Variants in PCDHGC4 observed in about 807,000 individuals in gnomAD.
PCDHGC4 encodes protocadherin gamma-C4.
PCDHGC4 carries 15 observed loss-of-function variants against 59.7 expected under a neutral mutation model. That is an observed-to-expected ratio of 0.25 (90% confidence interval 0.17 to 0.39). The LOEUF (loss-of-function observed/expected upper bound fraction) is 0.39, where lower values mean the gene tolerates loss of function less well. Ranked by LOEUF, PCDHGC4 falls within the 10% of genes least tolerant of loss-of-function variation. PCDHGC4 has a pLI of 1.00. For missense variants in PCDHGC4, 1,016 were observed against 1,189.5 expected, an observed-to-expected ratio of 0.85 and a Z score of 2.15; for synonymous variants, 434 against 481.4, an observed-to-expected ratio of 0.90 and a Z score of 1.29.
chr5:141,494,785 T>G, intron 1 of PCDHGC4, 22 bp from the exon 2 acceptor site: 1 of 1,614,016 alleles, frequency 6.2e-7, no homozygotes, highest in Non-Finnish European at 8.5e-7. Flanking sequence ...ACTCAGCCCC[T>G]TTCCCTCTGT....
rs1368226100 is a variant in PCDHGC4, at chr5:141,511,268, C to T, written c.*95C>T. The stretch of plus-strand genomic sequence containing the variant: ...CAGGCCTCAGAGTTTCAGGGCTAAC[C>T]CCCAGAATACTGGTAGGGGCCAAGG... On this transcript the variant is annotated 3_prime_UTR_variant, in exon 4 of 4. Coordinates refer to ENST00000306593, the MANE Select transcript of PCDHGC4 (RefSeq NM_018928.3). 1.9e-6 allele frequency: 3 copies of T among 1,546,408 alleles called. No individual in the cohort carries two copies. The highest frequency in any genetic ancestry group is 2.4e-5 in the East Asian group (1 of 41,246).
chr5:141,510,221 C>T lies in PCDHGC4; in HGVS notation c.2591-726C>T, dbSNP rs891359580. On this transcript the variant is annotated intron_variant, in intron 3 of 3. Transcript: ENST00000306593. The stretch of plus-strand genomic sequence containing the variant: ...CCAGGAGGCAGAGGTTGCAGTGAGC[C>T]GGGATCGCGCCACTGCACTCCAGGC... Among the ~76,000 whole-genome samples, 12 of 150,616 alleles carry T rather than the reference C, an allele frequency of 8.0e-5. No homozygotes were observed. In the East Asian group the frequency reaches 1.2e-3, roughly 15 times the overall value.
chr5:141,494,677 TGCCCCCTCTTA>T, intron 1 of PCDHGC4, 119 bp from the exon 2 acceptor site: 5 of 1,552,906 alleles, frequency 3.2e-6, no homozygotes, highest in Non-Finnish European at 4.4e-6. Flanking sequence ...AGTCCACCCC[TGCCCCCTCTTA>T]GTCCGTTTTC....
chr5:141,506,115 T>C (rs1211973354), intron 3 of PCDHGC4, among the ~76,000 whole-genome samples: 1 of 152,062 alleles, frequency 6.6e-6, no homozygotes, highest in Admixed American at 6.5e-5. Context: ...GAAGAGTCAC[T>C]AGGGCCCAGA....
rs200524415 is a variant in PCDHGC4, at chr5:141,487,436, G to C, written c.2263G>C (p.Gly755Arg). 1 of 1,614,176 alleles carries C rather than the reference G, an allele frequency of 6.2e-7. No individual in the cohort carries two copies. Among genetic ancestry groups the C allele is most frequent in the East Asian group, 2.2e-5 (1 of 44,870 alleles). ...CAATGGGATCCTCCGAATCCAGCTAGGGTCAGATGACCCTATCAAGTTTGT... is the reference window on the plus strand; with the variant it reads ...CAATGGGATCCTCCGAATCCAGCTACGGTCAGATGACCCTATCAAGTTTGT... ...PSNGILRIQL[G>R]SDDPIKFVDV... The change falls in exon 1 of 4, where the codon GGG (glycine) becomes CGG (arginine). Residue 755 changes from glycine (G) to arginine (R), a missense_variant. By Grantham distance (125) the Gly-to-Arg change is moderately radical. Coordinates refer to ENST00000306593, the MANE Select transcript of PCDHGC4 (RefSeq NM_018928.3). This position sits in a 1 kb window ranked among gnomAD's most constrained non-coding sequence, Gnocchi z 5.0.
At chr5:141,497,209 TG>T (rs11343387) in intron 2 of PCDHGC4, among the ~76,000 whole-genome samples, 90,704 of 151,262 alleles carry the variant, frequency 0.6, 29,397 homozygotes, top group African/African-American at 0.86. Context: ...GTGAGTGTAA[TG>T]GGGGGGGGAA....
At chr5:141,500,914 G>T (rs1237339394) in intron 2 of PCDHGC4, among the ~76,000 whole-genome samples, 2 of 151,130 alleles carry the variant, frequency 1.3e-5, no homozygotes, top group Non-Finnish European at 2.9e-5. Flanking sequence ...CTGTCTCCAG[G>T]CTGGGGTGCA....
intron 2 of PCDHGC4, among the ~76,000 whole-genome samples, chr5:141,504,802 C>G (rs370355030): frequency 6.6e-6 from 1 of 152,030 alleles, no homozygotes; most frequent in East Asian, 1.9e-4. Context: ...ACATCTCCCC[C>G]TAGGTACCTC....
intron 3 of PCDHGC4, chr5:141,507,166 GTCC>G (rs1475125845): frequency 6.6e-5 from 10 of 152,288 alleles, no homozygotes; most frequent in Non-Finnish European, 1.2e-4. Context: ...ATGAGAGGCT[GTCC>G]TCTTCCTCGA....
At chr5:141,506,306 G>A (rs539365378) in intron 3 of PCDHGC4, among the ~76,000 whole-genome samples, 4 of 152,040 alleles carry the variant, frequency 2.6e-5, no homozygotes, top group Non-Finnish European at 5.9e-5. Flanking sequence ...AAAATTAGCT[G>A]GGCATGGTGG....
At chr5:141,499,331 TCA>T (rs2099791249) in intron 2 of PCDHGC4, among the ~76,000 whole-genome samples, 1 of 152,220 alleles carries the variant, frequency 6.6e-6, no homozygotes, top group African/African-American at 2.4e-5. Context: ...CTGCTCTCTC[TCA>T]GTTTGGGCAG....
chr5:141,485,930 G>A lies in PCDHGC4; in HGVS notation c.757G>A (p.Glu253Lys). ...QQSSYRISVL[E>K]SAPAGMVLIQ... ...ATCCAGCTACAGGATTAGTGTGTTG[G>A]AGAGCGCACCAGCGGGCATGGTGCT... The change falls in exon 1 of 4, where the codon GAG becomes AAG. Residue 253 changes from glutamate (E) to lysine (K), a missense_variant. By Grantham distance (56) the Glu-to-Lys change is moderately conservative (BLOSUM62 1). Transcript: ENST00000306593. This position sits in a 1 kb window ranked among gnomAD's most constrained non-coding sequence, Gnocchi z 5.7. The A allele has an allele frequency of 6.2e-7, 1 of 1,614,178 alleles. No homozygotes were observed. Among genetic ancestry groups the A allele is most frequent in the Non-Finnish European group, 8.5e-7 (1 of 1,180,042 alleles).
chr5:141,489,287 T>C lies in PCDHGC4; in HGVS notation c.2442+1672T>C. 1 of 1,573,410 alleles carries C rather than the reference T, an allele frequency of 6.4e-7. No individual in the cohort carries two copies. Among genetic ancestry groups the C allele is most frequent in the Non-Finnish European group, 8.6e-7 (1 of 1,159,858 alleles). ...CAGCTCGCTGGGAAATGGCAAGTGC[T>C]GTGCATGTTGTCCTTGTGCTGCTGG... On this transcript the variant is annotated intron_variant, in intron 1 of 3. Transcript: ENST00000306593. The surrounding 1 kb of genome is among the most constrained non-coding windows in gnomAD (Gnocchi z 4.5).
chr5:141,502,084 G>A (rs1438350526), intron 2 of PCDHGC4, among the ~76,000 whole-genome samples: 1 of 152,154 alleles, frequency 6.6e-6, no homozygotes, highest in African/African-American at 2.4e-5. Context: ...CTGGGGCTGA[G>A]AACACCTGGC....
Position 141,489,897 on chromosome 5 carries a change from C to G in PCDHGC4, c.2442+2282C>G. ...TGCTTACTGCTGTGGATGGGGGGAC[C>G]CCAGCCCGCTCAGGGACCACCCTTA... is the stretch of plus-strand genomic sequence containing the variant. On this transcript the variant is annotated intron_variant, in intron 1 of 3. Transcript: ENST00000306593. This position sits in a 1 kb window ranked among gnomAD's most constrained non-coding sequence, Gnocchi z 4.5. 1 of 1,614,162 alleles carries G rather than the reference C, an allele frequency of 6.2e-7. No individual in the cohort carries two copies. Among genetic ancestry groups the G allele is most frequent in the Non-Finnish European group, 8.5e-7 (1 of 1,180,016 alleles).
chr5:141,486,844 C>T lies in PCDHGC4; in HGVS notation c.1671C>T (p.Asp557=), dbSNP rs150549306. The T allele has an allele frequency of 1.1e-5, 17 of 1,614,220 alleles. No homozygotes were observed. The highest frequency in any genetic ancestry group is 1.4e-5 in the Non-Finnish European group (16 of 1,180,026). ...TAACAGTTCGTCTATTTGTGCTGGACCTCAATGACAATGCTCCAGCTGTGC... is the reference window on the plus strand; with the variant it reads ...TAACAGTTCGTCTATTTGTGCTGGATCTCAATGACAATGCTCCAGCTGTGC... ...STVTVRLFVL[D]LNDNAPAVLR... Residue 557 remains aspartate (D), a synonymous_variant, in exon 1 of 4, where the codon GAC becomes GAT. Transcript: ENST00000306593. The surrounding 1 kb of genome is among the most constrained non-coding windows in gnomAD (Gnocchi z 5.0).
In PCDHGC4 at chr5:141,512,223, C is replaced by G. The variant is rs1321595614; in HGVS notation, c.*1050C>G. 6.5e-6 allele frequency: 1 copy of G among 152,728 alleles called. No individual in the cohort carries two copies. The highest frequency in any genetic ancestry group is 1.5e-5 in the Non-Finnish European group (1 of 68,110). 9.5% of individuals were successfully genotyped at this position (152,728 alleles called of 1,614,324 possible). ...CTCGAAGCAGGTTTAGGACCAGGTC[C>G]CCTTGAGAGGTCAGAGGGGCCTCTG... On this transcript the variant is annotated 3_prime_UTR_variant, in exon 4 of 4. Transcript: ENST00000306593.
Position 141,485,422 on chromosome 5 carries a change from C to G in PCDHGC4, c.249C>G (p.Ala83=), listed in dbSNP as rs775279056. 6.2e-7 allele frequency: 1 copy of G among 1,614,130 alleles called. No homozygotes were observed. Among genetic ancestry groups the G allele is most frequent in the East Asian group, 2.2e-5 (1 of 44,872 alleles). The part of the protein sequence containing the change: ...RHFRVDLDSG[A]LLIKNPIDRE... ...TCCGTGTGGATTTGGACAGCGGAGC[C>G]CTGCTCATCAAGAACCCAATCGACC... Residue 83 remains alanine (A), a synonymous_variant, in exon 1 of 4, where the codon GCC becomes GCG. Transcript: ENST00000306593. The surrounding 1 kb of genome is among the most constrained non-coding windows in gnomAD (Gnocchi z 5.7).
chr5:141,490,128 C>T lies in PCDHGC4; in HGVS notation c.2442+2513C>T, dbSNP rs970815408. 1.2e-6 allele frequency: 2 copies of T among 1,614,254 alleles called. No homozygotes were observed. Among genetic ancestry groups the T allele is most frequent in the Non-Finnish European group, 8.5e-7 (1 of 1,180,042 alleles). ...CAGTGCGGAACCTCTTTGGCCTAGA[C>T]CCTAGCAGTGGGGCAATCCATGTGT... On this transcript the variant is annotated intron_variant, in intron 1 of 3. Transcript: ENST00000306593. The surrounding 1 kb of genome is among the most constrained non-coding windows in gnomAD (Gnocchi z 5.4).
Sources: allele counts gnomAD v4.1 joint callset (sites outside exome capture counted in the v4.1 genomes callset), GRCh38; gene constraint gnomAD v4.1.1; non-coding constraint Gnocchi (gnomAD v3.1); transcripts MANE v1.5; gene names NCBI Gene and HGNC (gene_info 2026-07-23, HGNC 2026-07-21).